The following GOLGA2 variants were observed in gnomAD, a reference collection of about 807,000 sequenced individuals.
GOLGA2 encodes golgin A2.
Under a neutral mutation model 148.8 loss-of-function variants are expected in GOLGA2, and 49 were observed. The observed-to-expected ratio is 0.33, with a 90% confidence interval of 0.26 to 0.42. The LOEUF is 0.42. GOLGA2 is among the 10% of genes least tolerant of loss of function. GOLGA2 has a pLI of 1.00. For missense variants in GOLGA2, 1,178 were observed against 1,304.6 expected, an observed-to-expected ratio of 0.90 and a Z score of 1.49; for synonymous variants, 501 against 511.8, an observed-to-expected ratio of 0.98 and a Z score of 0.28.
rs544365915 is a variant in GOLGA2, at chr9:128,257,087, C to A, written c.3070G>T (p.Val1024Leu). 2 of 1,612,130 alleles carry A rather than the reference C, an allele frequency of 1.2e-6. No homozygotes were observed. The highest frequency in any genetic ancestry group is 2.2e-5 in the South Asian group (2 of 91,012). ...GGCTTTTAGATGACAGTGATCTTCA[C>A]CTCATCATTCTCGTCAGCCCGGTAA... ...FFYRADENDE[V>L]KITVI The change falls in exon 27 of 27, where the codon GTG (valine) becomes TTG (leucine). Residue 1024 changes from valine to leucine, a missense_variant. By Grantham distance (32) the Val-to-Leu change is conservative. Coordinates refer to ENST00000611957, the MANE Select transcript of GOLGA2 (RefSeq NM_001366244.2). This position sits in a 1 kb window ranked among gnomAD's most constrained non-coding sequence, Gnocchi z 8.0.
chr9:128,266,515 C>T lies in GOLGA2; in HGVS notation c.643-190G>A. ...GGATTTGTGTCTTTGTTGGTTTTTGCCCACAGCCACAGAACTGAAAGTCTG... is the reference window on the plus strand; with the variant it reads ...GGATTTGTGTCTTTGTTGGTTTTTGTCCACAGCCACAGAACTGAAAGTCTG... On this transcript the variant is annotated intron_variant, in intron 8 of 26. Coordinates refer to ENST00000611957, the MANE Select transcript of GOLGA2 (RefSeq NM_001366244.2). The surrounding 1 kb of genome is among the most constrained non-coding windows in gnomAD (Gnocchi z 4.2). 1 of 609,796 alleles carries T rather than the reference C, an allele frequency of 1.6e-6. No homozygotes were observed. The highest frequency in any genetic ancestry group is 2.0e-5 in the South Asian group (1 of 50,636). 37.8% of individuals were successfully genotyped at this position (609,796 alleles called of 1,614,324 possible). A position where few individuals can be genotyped will look rare whatever the true frequency, so the allele number is the denominator to read the frequency against.
chr9:128,260,744 T>C lies in GOLGA2; in HGVS notation c.1479A>G (p.Gln493=), dbSNP rs1406657817. ...CCTTCCGCAGGTGCTCAGCCTCCGCTTGTAGCTGCTGCTCCACCTCGGAGG... is the reference window on the plus strand; with the variant it reads ...CCTTCCGCAGGTGCTCAGCCTCCGCCTGTAGCTGCTGCTCCACCTCGGAGG... ...AGPSEVEQQL[Q]AEAEHLRKEL... is the part of the protein sequence containing the mutation. Residue 493 remains glutamine (Q), a synonymous_variant, in exon 18 of 27, where the codon CAA becomes CAG. Coordinates refer to ENST00000611957, the MANE Select transcript of GOLGA2 (RefSeq NM_001366244.2). The surrounding 1 kb of genome is among the most constrained non-coding windows in gnomAD (Gnocchi z 4.8). 1 of 1,612,988 alleles carries C rather than the reference T, an allele frequency of 6.2e-7. No homozygotes were observed. The highest frequency in any genetic ancestry group is 1.7e-5 in the Admixed American group (1 of 59,994).
intron 3 of GOLGA2, among the ~76,000 whole-genome samples, chr9:128,272,051 A>AC (rs1830983735): frequency 6.6e-6 from 1 of 151,618 alleles, no homozygotes; most frequent in African/African-American, 2.4e-5. Context: ...AAAAAAAAAA[A>AC]AAAAACACTA....
intron 3 of GOLGA2, among the ~76,000 whole-genome samples, chr9:128,269,935 C>A (rs975259223): frequency 2.6e-5 from 4 of 152,134 alleles, no homozygotes; most frequent in Non-Finnish European, 5.9e-5. Context: ...GACCATGGAA[C>A]CTGGTGTTTC....
chr9:128,262,922 A>C, intron 13 of GOLGA2, 112 bp downstream of exon 13: 1 of 852,772 alleles, frequency 1.2e-6, no homozygotes, highest in South Asian at 1.3e-5. Context: ...TGCTGGGCAC[A>C]CATGCACACC....
intron 12 of GOLGA2, among the ~76,000 whole-genome samples, chr9:128,263,992 T>TAA (rs1168441141): frequency 7.8e-6 from 1 of 128,288 alleles, no homozygotes. Flanking sequence ...CCATCTCTAC[T>TAA]AAAAAAAAAA....
Position 128,260,738 on chromosome 9 carries a change from C to T in GOLGA2, c.1485G>A (p.Glu495=), listed in dbSNP as rs769212670. Residue 495 remains glutamate, a synonymous_variant, in exon 18 of 27, where the codon GAG becomes GAA. Coordinates refer to ENST00000611957, the MANE Select transcript of GOLGA2 (RefSeq NM_001366244.2). The surrounding 1 kb of genome is among the most constrained non-coding windows in gnomAD (Gnocchi z 4.8). ...PSEVEQQLQA[E]AEHLRKELEG... ...CCAGCTCCTTCCGCAGGTGCTCAGC[C>T]TCCGCTTGTAGCTGCTGCTCCACCT... The T allele has an allele frequency of 1.1e-5, 18 of 1,613,236 alleles. No individual in the cohort carries two copies. Among genetic ancestry groups the T allele is most frequent in the Non-Finnish European group, 8.5e-6 (10 of 1,179,894 alleles).
intron 1 of GOLGA2, among the ~76,000 whole-genome samples, chr9:128,274,652 C>A (rs561363784): frequency 1.3e-5 from 2 of 152,266 alleles, no homozygotes; most frequent in East Asian, 3.9e-4. Context: ...ATCAATGTAT[C>A]CACATGGCAG....
chr9:128,260,337 C>T lies in GOLGA2; in HGVS notation c.1758+128G>A. Reference sequence around the variant, plus strand: ...CTCCCCCACAGCCATCGGAGCAGGGCTCTGGCTCACAGATGCCTCCAGAAG... The same window carrying T: ...CTCCCCCACAGCCATCGGAGCAGGGTTCTGGCTCACAGATGCCTCCAGAAG... On this transcript the variant is annotated intron_variant, in intron 18 of 26. Transcript: ENST00000611957. This position sits in a 1 kb window ranked among gnomAD's most constrained non-coding sequence, Gnocchi z 4.8. 1.9e-6 allele frequency: 2 copies of T among 1,072,500 alleles called. No individual in the cohort carries two copies. Among genetic ancestry groups the T allele is most frequent in the Non-Finnish European group, 2.8e-6 (2 of 706,570 alleles). 66.4% of individuals were successfully genotyped at this position (1,072,500 alleles called of 1,614,324 possible).
At position 128,261,629 on chromosome 9, in the gene GOLGA2, G is replaced by T; in HGVS notation, c.1224+39C>A. On this transcript the variant is annotated intron_variant, in intron 15 of 26. Transcript: ENST00000611957. This position sits in a 1 kb window ranked among gnomAD's most constrained non-coding sequence, Gnocchi z 5.7. ...TGTCACCTACTCCTGGCCACCTGGG[G>T]TCATCTTCCTTCTACATCCCTCCCC... 6.5e-7 allele frequency: 1 copy of T among 1,531,106 alleles called. No individual in the cohort carries two copies. The highest frequency in any genetic ancestry group is 9.1e-7 in the Non-Finnish European group (1 of 1,104,228). 94.8% of individuals were successfully genotyped at this position (1,531,106 alleles called of 1,614,324 possible). A position where few individuals can be genotyped will look rare whatever the true frequency, so the allele number is the denominator to read the frequency against.
chr9:128,272,919 CT>C, intron 2 of GOLGA2, 54 bp from the exon 3 acceptor site: 3 of 671,330 alleles, frequency 4.5e-6, no homozygotes, highest in Non-Finnish European at 6.8e-6. Flanking sequence ...GTAGAAGTGG[CT>C]TAGAGAGAGG....
In GOLGA2 at chr9:128,258,166, G is replaced by A. The variant is rs200049138; in HGVS notation, c.2322C>T (p.Ala774=). 5.9e-5 allele frequency: 95 copies of A among 1,602,784 alleles called. No individual in the cohort carries two copies. Among genetic ancestry groups the A allele is most frequent in the Non-Finnish European group, 4.7e-5 (55 of 1,176,950 alleles). Reference sequence around the variant, plus strand: ...CACGTAGCCTTGCCTGCTCCTCCTCGGCACTGGCTACAGCTGAGTTGAAAA... The same window carrying A: ...CACGTAGCCTTGCCTGCTCCTCCTCAGCACTGGCTACAGCTGAGTTGAAAA... The part of the protein sequence containing the change: ...VAFFNSAVAS[A]EEEQARLRGQ... The change falls in exon 23 of 27, where the codon GCC becomes GCT. Residue 774 remains alanine, a synonymous_variant. Transcript: ENST00000611957. The surrounding 1 kb of genome is among the most constrained non-coding windows in gnomAD (Gnocchi z 6.6).
Position 128,261,637 on chromosome 9 carries a change from C to A in GOLGA2, c.1224+31G>T. The A allele has an allele frequency of 1.3e-6, 2 of 1,553,042 alleles. No homozygotes were observed. Among genetic ancestry groups the A allele is most frequent in the Non-Finnish European group, 1.8e-6 (2 of 1,124,234 alleles). Reference sequence around the variant, plus strand: ...ACTCCTGGCCACCTGGGGTCATCTTCCTTCTACATCCCTCCCCTGCAAAGC... The same window carrying A: ...ACTCCTGGCCACCTGGGGTCATCTTACTTCTACATCCCTCCCCTGCAAAGC... On this transcript the variant is annotated intron_variant, in intron 15 of 26. Transcript: ENST00000611957. The surrounding 1 kb of genome is among the most constrained non-coding windows in gnomAD (Gnocchi z 5.7).
In GOLGA2 at chr9:128,261,040, A is replaced by T; in HGVS notation, c.1420+132T>A. 1.3e-6 allele frequency: 1 copy of T among 753,502 alleles called. No individual in the cohort carries two copies. Among genetic ancestry groups the T allele is most frequent in the Non-Finnish European group, 2.4e-6 (1 of 424,772 alleles). 46.7% of individuals were successfully genotyped at this position (753,502 alleles called of 1,614,324 possible). On this transcript the variant is annotated intron_variant, in intron 17 of 26. Transcript: ENST00000611957. This position sits in a 1 kb window ranked among gnomAD's most constrained non-coding sequence, Gnocchi z 5.7. ...GCTCATGGAGATGACGAGACTTGCC[A>T]TCTCCTGGCACAGACCTCTTTCCCT...
chr9:128,272,416 A>T (rs774677398), intron 3 of GOLGA2, among the ~76,000 whole-genome samples: 2 of 151,924 alleles, frequency 1.3e-5, no homozygotes, highest in Non-Finnish European at 2.9e-5. Flanking sequence ...CCCAGGAGGC[A>T]GAGGTTGCAG....
Position 128,259,279 on chromosome 9 carries a change from ACCT to A in GOLGA2, c.1982_1984del (p.Glu661del). 1 of 1,611,984 alleles carries A rather than the reference ACCT, an allele frequency of 6.2e-7. No individual in the cohort carries two copies. The highest frequency in any genetic ancestry group is 8.5e-7 in the Non-Finnish European group (1 of 1,179,352). ...CTGCAGCAGTAGCTGATTATGCAGC[ACCT>A]CCTTCTCAGAGGTCAGCTGCTGATA... On this transcript the variant is annotated inframe_deletion, in exon 20 of 27. Coordinates refer to ENST00000611957, the MANE Select transcript of GOLGA2 (RefSeq NM_001366244.2).
Position 128,263,087 on chromosome 9 carries a change from G to T in GOLGA2, c.939C>A (p.Asn313Lys), listed in dbSNP as rs1315941933. The T allele has an allele frequency of 2.5e-6, 4 of 1,604,416 alleles. No individual in the cohort carries two copies. In the Admixed American group the frequency reaches 5.0e-5, roughly 20 times the overall value. Reference sequence around the variant, plus strand: ...CGTCTCTCTCTTTGGTTAACTCCTTGTTGTACTGTAAATACAGAAAGGTTA... The same window carrying T: ...CGTCTCTCTCTTTGGTTAACTCCTTTTTGTACTGTAAATACAGAAAGGTTA... ...STQQKKADRY[N>K]KELTKERDAL... Residue 313 changes from asparagine to lysine, a missense_variant, in exon 13 of 27, where the codon AAC becomes AAA. By Grantham distance (94) the Asn-to-Lys change is moderately conservative. Transcript: ENST00000611957.
Position 128,257,676 on chromosome 9 carries a change from C to T in GOLGA2, c.2643G>A (p.Arg881=), listed in dbSNP as rs1411205950. ...GEYIALYQSQ[R]AVLKERHREK... is the part of the protein sequence containing the mutation. ...CCCGGTGCCGCTCCTTCAGCACTGCCCTCTGGCTCTGGTACAGTGCAATGT... is the reference window on the plus strand; with the variant it reads ...CCCGGTGCCGCTCCTTCAGCACTGCTCTCTGGCTCTGGTACAGTGCAATGT... The change falls in exon 25 of 27, where the codon AGG becomes AGA. Residue 881 remains arginine (R), a synonymous_variant. Coordinates refer to ENST00000611957, the MANE Select transcript of GOLGA2 (RefSeq NM_001366244.2). This position sits in a 1 kb window ranked among gnomAD's most constrained non-coding sequence, Gnocchi z 8.0. 1 of 1,614,148 alleles carries T rather than the reference C, an allele frequency of 6.2e-7. No homozygotes were observed. Among genetic ancestry groups the T allele is most frequent in the South Asian group, 1.1e-5 (1 of 91,088 alleles).
chr9:128,265,773 T>G lies in GOLGA2; in HGVS notation c.826+15A>C. 6.2e-7 allele frequency: 1 copy of G among 1,612,316 alleles called. No individual in the cohort carries two copies. The highest frequency in any genetic ancestry group is 8.5e-7 in the Non-Finnish European group (1 of 1,178,342). On this transcript the variant is annotated intron_variant, in intron 11 of 26. Coordinates refer to ENST00000611957, the MANE Select transcript of GOLGA2 (RefSeq NM_001366244.2). ...AGTGCCAGGTTGAAGGATGATGGGG[T>G]GCCCAGATTCCCACCTTCTTTCTGC...
Sources: gnomAD v4.1 joint callset for allele counts (sites outside exome capture counted in the v4.1 genomes callset) on GRCh38, gnomAD v4.1.1 for gene constraint, Gnocchi (gnomAD v3.1) non-coding constraint, MANE v1.5 for transcripts, NCBI Gene and HGNC (gene_info 2026-07-23, HGNC 2026-07-21) for gene names.